Variants in NLRP1 observed in about 807,000 individuals in gnomAD.
The protein encoded by NLRP1 is NLR family pyrin domain containing 1, also known as NACHT, LRR and PYD domains-containing protein 1.
In NLRP1, 94 loss-of-function variants were observed where a neutral mutation model predicts 136.7. The ratio of observed to expected loss-of-function variants is 0.69; its 90% CI spans 0.58 to 0.82. The LOEUF (loss-of-function observed/expected upper bound fraction) is 0.82, where lower values mean the gene tolerates loss of function less well. Among genes scored for constraint, NLRP1 ranks in the 40% least tolerant of loss-of-function variants. The probability of loss-of-function intolerance (pLI) is 0.00; values close to 1 mark genes in which losing one functional copy is unlikely to be tolerated. For synonymous variants in NLRP1, 690 were observed against 725.1 expected (o/e 0.95, Z 0.78); for missense variants, 1,575 against 1,802.7 (o/e 0.87, Z 2.29).
chr17:5,553,494 G>T lies in NLRP1; in HGVS notation c.2420C>A (p.Thr807Asn). 1 of 1,614,214 alleles carries T rather than the reference G, an allele frequency of 6.2e-7. No individual in the cohort carries two copies. Among genetic ancestry groups the T allele is most frequent in the Non-Finnish European group, 8.5e-7 (1 of 1,180,030 alleles). ...WQILFSVLKV[T>N]RNLKELDLSG... ...TAGGTCCAGCTCCTTCAGGTTTCTG[G>T]TGACCTTGAGGACGGAGAAGAGAAT... The change falls in exon 5 of 17, where the codon ACC becomes AAC. Residue 807 changes from threonine to asparagine, a missense_variant. By Grantham distance (65) the Thr-to-Asn change is moderately conservative. Transcript: ENST00000572272.
At chr17:5,521,111 G>C in intron 13 of NLRP1, 99 bp from the exon 14 acceptor site, 2 of 1,258,370 alleles carry the variant, frequency 1.6e-6, no homozygotes, top group South Asian at 1.5e-5. Flanking sequence ...TGTGGACAGA[G>C]TGGGGCTATA....
chr17:5,520,453 C>T (rs1908752582), intron 14 of NLRP1, among the ~76,000 whole-genome samples: 1 of 152,196 alleles, frequency 6.6e-6, no homozygotes, highest in Non-Finnish European at 1.5e-5. Flanking sequence ...CTTAGATCTT[C>T]CTCAAATGTA....
intron 3 of NLRP1, among the ~76,000 whole-genome samples, chr17:5,568,896 A>G (rs988736022): frequency 1.3e-5 from 2 of 152,148 alleles, no homozygotes; most frequent in Admixed American, 6.6e-5. Context: ...TCTGCCAAAC[A>G]TACAGTCTCT....
chr17:5,559,593 C>G lies in NLRP1; in HGVS notation c.1103G>C (p.Ser368Thr), dbSNP rs145383615. ...GDRFQHVFYF[S>T]CRELAQSKVV... ...CTTGGACTGGGCCAGCTCTCTGCAGCTGAAGTAGAAGACATGCTGGAAGCG... is the reference window on the plus strand; with the variant it reads ...CTTGGACTGGGCCAGCTCTCTGCAGGTGAAGTAGAAGACATGCTGGAAGCG... Residue 368 changes from serine (S) to threonine (T), a missense_variant, in exon 4 of 17, where the codon AGC becomes ACC. Coordinates refer to ENST00000572272, the MANE Select transcript of NLRP1 (RefSeq NM_033004.4). 8.5e-4 allele frequency: 1,376 copies of G among 1,614,226 alleles called. 7 individuals carry two copies. Among genetic ancestry groups the G allele is most frequent in the Middle Eastern group, 1.2e-3 (7 of 6,062 alleles).
chr17:5,519,249 G>C (rs1257052981), intron 14 of NLRP1, among the ~76,000 whole-genome samples: 2 of 151,738 alleles, frequency 1.3e-5, no homozygotes, highest in Admixed American at 1.3e-4. Context: ...TGATCCGCCC[G>C]CCTCAGCCTC....
chr17:5,557,032 C>T (rs1471752863), intron 4 of NLRP1, among the ~76,000 whole-genome samples: 1 of 152,186 alleles, frequency 6.6e-6, no homozygotes, highest in Admixed American at 6.5e-5. Flanking sequence ...GAGACGGAGT[C>T]TGGCTCTGTT....
downstream of NLRP1, among the ~76,000 whole-genome samples, chr17:5,513,915 C>T (rs979207008): frequency 6.6e-5 from 10 of 152,198 alleles, no homozygotes; most frequent in Non-Finnish European, 1.2e-4. Flanking sequence ...GACATTCCCA[C>T]CAGCGCCATG....
chr17:5,511,968 C>T, downstream of NLRP1: 2 of 476,900 alleles, frequency 4.2e-6, no homozygotes, highest in Admixed American at 6.5e-5. Flanking sequence ...GGGAGCCCAG[C>T]TGTAACTTGT....
chr17:5,577,105 A>T (rs1356057180), intron 3 of NLRP1, among the ~76,000 whole-genome samples: 1 of 152,220 alleles, frequency 6.6e-6, no homozygotes, highest in Non-Finnish European at 1.5e-5. Flanking sequence ...TATTGATGGG[A>T]TGTATCTCAA....
chr17:5,566,951 G>A (rs1215091668), intron 3 of NLRP1, among the ~76,000 whole-genome samples: 3 of 151,724 alleles, frequency 2.0e-5, no homozygotes, highest in African/African-American at 7.3e-5. Flanking sequence ...TTTTTGTTTT[G>A]AAATCTATTT....
chr17:5,521,991 AT>A (rs1441649272), intron 12 of NLRP1, among the ~76,000 whole-genome samples: 1 of 152,040 alleles, frequency 6.6e-6, no homozygotes, highest in Admixed American at 6.6e-5. Context: ...TGCCCAGCTA[AT>A]TTTTGTATTT....
intron 11 of NLRP1, 52 bp from the exon 12 acceptor site, chr17:5,530,756 C>G: frequency 7.0e-7 from 1 of 1,434,550 alleles, no homozygotes; most frequent in Non-Finnish European, 9.8e-7. Flanking sequence ...CACTGAGCAC[C>G]TGCTGGATGC....
intron 3 of NLRP1, among the ~76,000 whole-genome samples, chr17:5,578,757 C>T (rs1349479435): frequency 6.6e-6 from 1 of 152,200 alleles, no homozygotes; most frequent in East Asian, 1.9e-4. Context: ...CATCCCATTA[C>T]TGGGTATATA....
chr17:5,555,335 C>T (rs1400587684), intron 4 of NLRP1, among the ~76,000 whole-genome samples: 1 of 152,194 alleles, frequency 6.6e-6, no homozygotes, highest in Non-Finnish European at 1.5e-5. Context: ...TCCACCCTTT[C>T]TTCCTGAACT....
intron 8 of NLRP1, among the ~76,000 whole-genome samples, chr17:5,534,818 G>A (rs1375018941): frequency 6.6e-6 from 1 of 152,164 alleles, no homozygotes; most frequent in Non-Finnish European, 1.5e-5. Flanking sequence ...GGGCTTGCCA[G>A]GGCCTCTGTC....
intron 3 of NLRP1, among the ~76,000 whole-genome samples, chr17:5,569,891 T>A (rs1006097919): frequency 3.3e-5 from 5 of 152,066 alleles, no homozygotes; most frequent in East Asian, 1.9e-4. Flanking sequence ...CAGCAAATTT[T>A]AAAAAACCCA....
chr17:5,562,734 C>T lies in NLRP1; in HGVS notation c.653-2691G>A, dbSNP rs189332257. The stretch of plus-strand genomic sequence containing the variant: ...AGTGCCATGAAAACTAAGGCAAAGG[C>T]TCCCACCAGTGCCCTGCCCCAGCCA... On this transcript the variant is annotated intron_variant, in intron 3 of 16. Transcript: ENST00000572272. Among the ~76,000 whole-genome samples, 310 of 152,332 alleles carry T rather than the reference C, an allele frequency of 2.0e-3. 2 individuals carry two copies. The highest frequency in any genetic ancestry group is 1.6e-3 in the Non-Finnish European group (106 of 68,024).
intron 3 of NLRP1, among the ~76,000 whole-genome samples, chr17:5,577,177 C>G (rs1485747851): frequency 1.3e-5 from 2 of 152,130 alleles, no homozygotes; most frequent in Non-Finnish European, 2.9e-5. Flanking sequence ...GCAAAAACTG[C>G]AAGCATTCCC....
chr17:5,545,657 T>C (rs1912573807), intron 5 of NLRP1, among the ~76,000 whole-genome samples: 4 of 152,170 alleles, frequency 2.6e-5, no homozygotes, highest in South Asian at 4.1e-4. Flanking sequence ...CTGTCTTCCT[T>C]CTCTGCTTCC....
Sources: allele counts gnomAD v4.1 joint callset (sites outside exome capture counted in the v4.1 genomes callset), GRCh38; gene constraint gnomAD v4.1.1; transcripts MANE v1.5; gene names NCBI Gene and HGNC (gene_info 2026-07-23, HGNC 2026-07-21).